Variants in SDK1 observed in about 807,000 individuals in gnomAD.
SDK1 encodes the protein sidekick cell adhesion molecule 1, also known as protein sidekick-1.
SDK1 carries 157 observed loss-of-function variants against 245.5 expected under a neutral mutation model. That is an observed-to-expected ratio of 0.64 (90% CI 0.56 to 0.73). The LOEUF (loss-of-function observed/expected upper bound fraction) is 0.73, where lower values mean the gene tolerates loss of function less well. SDK1 is among the 30% of genes least tolerant of loss of function. The pLI, the probability that SDK1 is intolerant of heterozygous loss-of-function variation, is 0.00. For synonymous variants in SDK1, 1,647 were observed against 1,278.5 expected (o/e 1.29, Z -6.15); for missense variants, 3,583 against 3,002.3 (o/e 1.19, Z -4.52).
chr7:4,212,162 C>T (rs756207836), intron 38 of SDK1, among the ~76,000 whole-genome samples: 44 of 152,314 alleles, frequency 2.9e-4, no homozygotes, highest in South Asian at 8.3e-4. Flanking sequence ...AGAATATCGG[C>T]GCTCCATTTA....
intron 5 of SDK1, among the ~76,000 whole-genome samples, chr7:3,846,360 G>C (rs560623391): frequency 6.6e-6 from 1 of 152,128 alleles, no homozygotes; most frequent in Non-Finnish European, 1.5e-5. Context: ...ATGTGCTTGG[G>C]GAATTCCAGC....
chr7:3,864,527 T>A (rs186892698), intron 5 of SDK1, among the ~76,000 whole-genome samples: 1 of 151,576 alleles, frequency 6.6e-6, no homozygotes, highest in Non-Finnish European at 1.5e-5. Context: ...ATATTAGAGA[T>A]GTGGCTAATA....
chr7:3,889,487 A>G (rs1026437314), intron 5 of SDK1, among the ~76,000 whole-genome samples: 1 of 151,780 alleles, frequency 6.6e-6, no homozygotes, highest in South Asian at 2.1e-4. Context: ...CTACAGTGGT[A>G]CCAGTGGCAT....
chr7:3,851,664 T>C (rs1780422789), intron 5 of SDK1, among the ~76,000 whole-genome samples: 1 of 152,180 alleles, frequency 6.6e-6, no homozygotes. Flanking sequence ...GGCGGCTTGA[T>C]ATATGTGATT....
At chr7:3,459,093 G>T (rs577765298) in intron 1 of SDK1, among the ~76,000 whole-genome samples, 3 of 152,050 alleles carry the variant, frequency 2.0e-5, no homozygotes, top group Non-Finnish European at 4.4e-5. Flanking sequence ...GATTGACCTG[G>T]GACAATTGAC....
At chr7:3,327,334 CAAGG>C (rs766040267) in intron 1 of SDK1, among the ~76,000 whole-genome samples, 6 of 152,226 alleles carry the variant, frequency 3.9e-5, no homozygotes, top group Non-Finnish European at 5.9e-5. Flanking sequence ...TCAGGGATAA[CAAGG>C]AAGAAGCTGC....
At chr7:3,701,626 T>G (rs1583321333) in intron 4 of SDK1, among the ~76,000 whole-genome samples, 1 of 152,082 alleles carries the variant, frequency 6.6e-6, no homozygotes, top group East Asian at 1.9e-4. Flanking sequence ...TAAAAGATTA[T>G]TCTAAAATTT....
intron 4 of SDK1, among the ~76,000 whole-genome samples, chr7:3,761,418 G>A (rs1770333787): frequency 6.6e-6 from 1 of 151,684 alleles, no homozygotes; most frequent in Non-Finnish European, 1.5e-5. Context: ...GCCAGGCGTG[G>A]TGGTGGGCAC....
intron 5 of SDK1, among the ~76,000 whole-genome samples, chr7:3,861,000 T>C (rs1780676209): frequency 6.6e-6 from 1 of 152,158 alleles, no homozygotes; most frequent in African/African-American, 2.4e-5. Context: ...GTCCCCACTT[T>C]GGCTCAAGTA....
In SDK1 at chr7:4,268,511, C is replaced by A. The variant is rs995703140; in HGVS notation, c.*3127C>A. 2 of 1,202,554 alleles carry A rather than the reference C, an allele frequency of 1.7e-6. No individual in the cohort carries two copies. The highest frequency in any genetic ancestry group is 2.1e-6 in the Non-Finnish European group (2 of 942,700). 74.5% of individuals were successfully genotyped at this position (1,202,554 alleles called of 1,614,324 possible). On this transcript the variant is annotated 3_prime_UTR_variant, in exon 45 of 45. Coordinates refer to ENST00000404826, the MANE Select transcript of SDK1 (RefSeq NM_152744.4). ...AACGAGGGGCCCCAGGGAGAGGGGA[C>A]CCAGATGGCCACACACGGAACGCGC...
chr7:3,725,615 A>G (rs1778984164), intron 4 of SDK1, among the ~76,000 whole-genome samples: 1 of 152,162 alleles, frequency 6.6e-6, no homozygotes, highest in South Asian at 2.1e-4. Flanking sequence ...ATACATAGAG[A>G]GACAGGAGCC....
intron 1 of SDK1, among the ~76,000 whole-genome samples, chr7:3,554,371 A>G (rs1214650758): frequency 6.6e-6 from 1 of 152,194 alleles, no homozygotes; most frequent in Non-Finnish European, 1.5e-5. Context: ...TCAAGTTTTA[A>G]AGGAAATAAA....
chr7:4,177,937 C>T (rs1371667652), intron 34 of SDK1, among the ~76,000 whole-genome samples: 1 of 152,180 alleles, frequency 6.6e-6, no homozygotes, highest in Non-Finnish European at 1.5e-5. Context: ...CTATTGGGAA[C>T]AGCACGTGCA....
At position 4,267,622 on chromosome 7, in the gene SDK1, G is replaced by A. The variant is rs532105217; in HGVS notation, c.*2238G>A. The A allele has an allele frequency of 1.3e-4, 126 of 985,500 alleles. 1 individual carries two copies. In the South Asian group the frequency reaches 5.4e-3, roughly 43 times the overall value. The allele number at this position is 985,500 out of a possible 1,614,324, so 61.0% of individuals were successfully genotyped here. A position where few individuals can be genotyped will look rare whatever the true frequency, so the allele number is the denominator to read the frequency against. On this transcript the variant is annotated 3_prime_UTR_variant, in exon 45 of 45. Coordinates refer to ENST00000404826, the MANE Select transcript of SDK1 (RefSeq NM_152744.4). ...TGCACTCTGATGACTGCTCTCTGCA[G>A]CCATGAGGATGTGGCTTTACATGCC...
chr7:3,597,534 T>G (rs1781106330), intron 1 of SDK1, among the ~76,000 whole-genome samples: 1 of 152,142 alleles, frequency 6.6e-6, no homozygotes, highest in African/African-American at 2.4e-5. Context: ...TTCGAAAGTG[T>G]TAGAGAGAAC....
intron 4 of SDK1, among the ~76,000 whole-genome samples, chr7:3,779,852 A>T (rs1255994044): frequency 6.6e-6 from 1 of 151,572 alleles, no homozygotes; most frequent in Admixed American, 6.6e-5. Context: ...GAATGGCGTG[A>T]ACCCGGGAAG....
chr7:3,971,606 A>C lies in SDK1; in HGVS notation c.1817+38A>C, dbSNP rs776420994. 10 of 1,441,318 alleles carry C rather than the reference A, an allele frequency of 6.9e-6. No individual in the cohort carries two copies. The African/African-American group carries it at 1.4e-4, about 20-fold the overall frequency. The allele number at this position is 1,441,318 out of a possible 1,614,324, so 89.3% of individuals were successfully genotyped here. ...AGTTACAATGCTTTGGGGCTTGTTG[A>C]TATTCTGTGAGTTTCTGAAGTGAAG... On this transcript the variant is annotated intron_variant, in intron 12 of 44. Coordinates refer to ENST00000404826, the MANE Select transcript of SDK1 (RefSeq NM_152744.4).
intron 1 of SDK1, among the ~76,000 whole-genome samples, chr7:3,414,924 G>A (rs996389074): frequency 1.3e-5 from 2 of 152,056 alleles, no homozygotes; most frequent in African/African-American, 4.8e-5. Context: ...CTTGATGGCT[G>A]AAAAAATATT....
chr7:4,070,628 C>A (rs1780189850), intron 20 of SDK1, among the ~76,000 whole-genome samples: 1 of 152,208 alleles, frequency 6.6e-6, no homozygotes, highest in Non-Finnish European at 1.5e-5. Context: ...CTGTAATCAT[C>A]TGTGCCAACC....
Sources: gnomAD v4.1 joint callset for allele counts (sites outside exome capture counted in the v4.1 genomes callset) on GRCh38, gnomAD v4.1.1 for gene constraint, MANE v1.5 for transcripts, NCBI Gene and HGNC (gene_info 2026-07-23, HGNC 2026-07-21) for gene names.